CYP20A1: variants seen among roughly 807,000 people sequenced by gnomAD.
The protein encoded by CYP20A1 is cytochrome P450 20A1.
CYP20A1 carries 61 observed loss-of-function variants against 61.4 expected under a neutral mutation model. That is an observed-to-expected ratio of 0.99 (90% CI 0.81 to 1.23). The LOEUF (loss-of-function observed/expected upper bound fraction) is 1.23, where lower values mean the gene tolerates loss of function less well. CYP20A1 is among the 50% of genes most tolerant of loss of function. The pLI is 0.00. For synonymous variants in CYP20A1, 193 were observed against 188.2 expected, an observed-to-expected ratio of 1.03 and a Z score of -0.21; for missense variants, 530 against 542.4, an observed-to-expected ratio of 0.98 and a Z score of 0.23.
rs377306363 is a variant in CYP20A1 at position 203,251,815 on chromosome 2, A to ATATATATATATG, written c.290-150_290-149insTATATATATGTA. Reference sequence around the variant, plus strand: ...TGTGTATATATATATATATATATATATAAAAAATAAAAAATAAAAACAAGG... The same window carrying ATATATATATATG: ...TGTGTATATATATATATATATATATATATATATATATGTAAAAAATAAAAAATAAAAACAAGG... On this transcript the variant is annotated intron_variant, in intron 3 of 12. Coordinates refer to ENST00000356079, the MANE Select transcript of CYP20A1 (RefSeq NM_177538.3). 60 of 89,688 alleles carry ATATATATATATG rather than the reference A, an allele frequency of 6.7e-4. 2 individuals carry two copies. Among genetic ancestry groups the ATATATATATATG allele is most frequent in the African/African-American group, 1.3e-3 (39 of 30,852 alleles). The allele number at this position is 89,688 out of a possible 1,614,324, so 5.6% of individuals were successfully genotyped here.
intron 3 of CYP20A1, among the ~76,000 whole-genome samples, chr2:203,249,027 T>C (rs2066563610): frequency 6.6e-6 from 1 of 152,168 alleles, no homozygotes; most frequent in South Asian, 2.1e-4. Flanking sequence ...TTATTTCTTA[T>C]ATAAAAATAA....
chr2:203,248,246 T>C (rs1352171972), intron 3 of CYP20A1, among the ~76,000 whole-genome samples: 1 of 151,668 alleles, frequency 6.6e-6, no homozygotes, highest in Non-Finnish European at 1.5e-5. Context: ...AAAAAAAGAA[T>C]CTCCTGGCCG....
At chr2:203,242,661 G>A (rs143692461) in intron 1 of CYP20A1, among the ~76,000 whole-genome samples, 11 of 152,008 alleles carry the variant, frequency 7.2e-5, no homozygotes, top group African/African-American at 2.7e-4. Flanking sequence ...GTGAGCGTCC[G>A]TGGTCCCTGG....
In CYP20A1 at chr2:203,278,573, C is replaced by A; in HGVS notation, c.680C>A (p.Ala227Asp). 6.6e-7 allele frequency: 1 copy of A among 1,507,844 alleles called. No individual in the cohort carries two copies. Among genetic ancestry groups the A allele is most frequent in the Non-Finnish European group, 9.0e-7 (1 of 1,108,532 alleles). The allele number at this position is 1,507,844 out of a possible 1,614,324, so 93.4% of individuals were successfully genotyped here. A position where few individuals can be genotyped will look rare whatever the true frequency, so the allele number is the denominator to read the frequency against. The change falls in exon 7 of 13, where the codon GCC (alanine) becomes GAC (aspartate). Residue 227 changes from alanine (A) to aspartate (D), a missense_variant and splice_region_variant. Transcript: ENST00000356079. Reference sequence around the variant, plus strand: ...AAATTATTTTGTTTTTTTCTCTAAGCCCTCATGCAACTGGAGTCTGTTTTA... The same window carrying A: ...AAATTATTTTGTTTTTTTCTCTAAGACCTCATGCAACTGGAGTCTGTTTTA... ...NMTRKKQYED[A>D]LMQLESVLRN...
chr2:203,239,090 A>T lies in CYP20A1; in HGVS notation c.28A>T (p.Thr10Ser). 6.2e-7 allele frequency: 1 copy of T among 1,613,528 alleles called. No individual in the cohort carries two copies. Among genetic ancestry groups the T allele is most frequent in the Non-Finnish European group, 8.5e-7 (1 of 1,179,784 alleles). Reference sequence around the variant, plus strand: ...GTTGGACTTCGCGATCTTCGCCGTTACCTTCTTGCTGGCGTTGGTGGGAGC... The same window carrying T: ...GTTGGACTTCGCGATCTTCGCCGTTTCCTTCTTGCTGGCGTTGGTGGGAGC... Reference protein sequence around the residue: MLDFAIFAVTFLLALVGAVL... With the variant: MLDFAIFAVSFLLALVGAVL... The change falls in exon 1 of 13, where the codon ACC (threonine) becomes TCC (serine). Residue 10 changes from threonine (T) to serine (S), a missense_variant. Thr to Ser is a moderately conservative substitution (Grantham distance 58). Coordinates refer to ENST00000356079, the MANE Select transcript of CYP20A1 (RefSeq NM_177538.3).
In CYP20A1 at chr2:203,301,308, G is replaced by A. The variant is rs1463035615; in HGVS notation, c.*4400G>A. Among the ~76,000 whole-genome samples, 1 of 149,248 alleles carries A rather than the reference G, an allele frequency of 6.7e-6. No homozygotes were observed. Among genetic ancestry groups the A allele is most frequent in the Non-Finnish European group, 1.5e-5 (1 of 67,574 alleles). Reference sequence around the variant, plus strand: ...GTCTTGCTTTGTTGACCAAGCTGGAGTGCATTGGCATGATCACAGCTTACT... The same window carrying A: ...GTCTTGCTTTGTTGACCAAGCTGGAATGCATTGGCATGATCACAGCTTACT... On this transcript the variant is annotated 3_prime_UTR_variant, in exon 13 of 13. Transcript: ENST00000356079.
At position 203,296,459 on chromosome 2, in the gene CYP20A1, A is replaced by G. The variant is rs1168741692; in HGVS notation, c.1149-15A>G. The G allele has an allele frequency of 6.3e-7, 1 of 1,582,930 alleles. No homozygotes were observed. The highest frequency in any genetic ancestry group is 8.7e-7 in the Non-Finnish European group (1 of 1,155,534). On this transcript the variant is annotated splice_polypyrimidine_tract_variant and intron_variant, in intron 11 of 12. Coordinates refer to ENST00000356079, the MANE Select transcript of CYP20A1 (RefSeq NM_177538.3). The stretch of plus-strand genomic sequence containing the variant: ...GTGGAGCTATATTGTGATTAACCTC[A>G]AATTTTCTTTGTAGGTTTGATCCAG...
At chr2:203,282,212 A>G (rs1344932024) in intron 8 of CYP20A1, among the ~76,000 whole-genome samples, 1 of 151,906 alleles carries the variant, frequency 6.6e-6, no homozygotes, top group African/African-American at 2.4e-5. Context: ...TAATTTTTGT[A>G]TTTTAAGTAG....
rs1478692118 is a variant in CYP20A1 at position 203,303,890 on chromosome 2, A to C, written c.*6982A>C. ...AGACTGTCTCAAAAAAAAAAAAAAA[A>C]AAAACTTATTGAGAGAATAATATAC... On this transcript the variant is annotated 3_prime_UTR_variant, in exon 13 of 13. Coordinates refer to ENST00000356079, the MANE Select transcript of CYP20A1 (RefSeq NM_177538.3). Among the ~76,000 whole-genome samples the C allele has an allele frequency of 6.6e-6, 1 of 151,200 alleles. No individual in the cohort carries two copies. Among genetic ancestry groups the C allele is most frequent in the Non-Finnish European group, 1.5e-5 (1 of 67,828 alleles).
chr2:203,288,436 C>G (rs1367635562), intron 9 of CYP20A1, among the ~76,000 whole-genome samples: 1 of 151,986 alleles, frequency 6.6e-6, no homozygotes, highest in Non-Finnish European at 1.5e-5. Flanking sequence ...TCCAGTAATA[C>G]CCTGAACTTC....
intron 5 of CYP20A1, among the ~76,000 whole-genome samples, chr2:203,268,989 C>T (rs750964861): frequency 2.0e-5 from 3 of 152,176 alleles, no homozygotes; most frequent in Non-Finnish European, 4.4e-5. Context: ...ACTGATTTCA[C>T]AGGTGTTAAA....
At chr2:203,294,877 C>G (rs2068709961) in intron 11 of CYP20A1, among the ~76,000 whole-genome samples, 1 of 151,244 alleles carries the variant, frequency 6.6e-6, no homozygotes, top group African/African-American at 2.4e-5. Flanking sequence ...TCGTGATCAC[C>G]TGCCTCTGCT....
At chr2:203,244,473 A>G (rs924012132) in intron 1 of CYP20A1, among the ~76,000 whole-genome samples, 12 of 151,990 alleles carry the variant, frequency 7.9e-5, no homozygotes, top group African/African-American at 2.9e-4. Flanking sequence ...TGCTGGGATT[A>G]CAGGCAGGAG....
chr2:203,261,078 A>G (rs978507901), intron 4 of CYP20A1, among the ~76,000 whole-genome samples: 22 of 152,122 alleles, frequency 1.4e-4, no homozygotes, highest in African/African-American at 5.3e-4. Flanking sequence ...TTTTATATTA[A>G]GAATTATAGG....
intron 10 of CYP20A1, among the ~76,000 whole-genome samples, chr2:203,291,501 T>A (rs2068529667): frequency 6.6e-6 from 1 of 152,204 alleles, no homozygotes. Context: ...ATAGAACAAA[T>A]TTTCATACAT....
At chr2:203,289,961 A>G (rs1035418108) in intron 10 of CYP20A1, 85 bp downstream of exon 10, 7 of 552,928 alleles carry the variant, frequency 1.3e-5, no homozygotes, top group African/African-American at 2.0e-5. Flanking sequence ...TATATTTTAG[A>G]CAGAGGTTTG....
intron 3 of CYP20A1, among the ~76,000 whole-genome samples, chr2:203,250,207 A>G (rs1004273542): frequency 6.6e-6 from 1 of 152,242 alleles, no homozygotes; most frequent in African/African-American, 2.4e-5. Context: ...CTAAATATCA[A>G]TGGCTGAATA....
chr2:203,280,843 A>G (rs1231586724), intron 8 of CYP20A1, among the ~76,000 whole-genome samples: 1 of 152,202 alleles, frequency 6.6e-6, no homozygotes, highest in Non-Finnish European at 1.5e-5. Flanking sequence ...GAAAATTGCC[A>G]TAAATTTCTT....
intron 4 of CYP20A1, among the ~76,000 whole-genome samples, chr2:203,253,654 A>G (rs545996139): frequency 1.3e-5 from 2 of 152,234 alleles, no homozygotes; most frequent in African/African-American, 4.8e-5. Context: ...ATAGCATAAC[A>G]TAAGTTGTGG....
Sources: gnomAD v4.1 joint callset for allele counts (sites outside exome capture counted in the v4.1 genomes callset) on GRCh38, gnomAD v4.1.1 for gene constraint, MANE v1.5 for transcripts, NCBI Gene and HGNC (gene_info 2026-07-23, HGNC 2026-07-21) for gene names.